STPG2: variants seen among roughly 807,000 people sequenced by gnomAD.
The protein encoded by STPG2 is sperm-tail PG-rich repeat-containing protein 2.
STPG2 carries 56 observed loss-of-function variants against 54.2 expected under a neutral mutation model. That is an observed-to-expected ratio of 1.03 (90% CI 0.83 to 1.29). The LOEUF (loss-of-function observed/expected upper bound fraction) is 1.29. Ranked by LOEUF, STPG2 falls within the 50% of genes most tolerant of loss-of-function variation. The probability of loss-of-function intolerance (pLI) is 0.00; values close to 1 mark genes in which losing one functional copy is unlikely to be tolerated. For missense variants in STPG2, 596 were observed against 544.9 expected (o/e 1.09, Z -0.93); for synonymous variants, 200 against 181.8 (o/e 1.10, Z -0.81).
chr4:97,925,868 CT>C (rs1402860794), intron 8 of STPG2, among the ~76,000 whole-genome samples: 1 of 152,118 alleles, frequency 6.6e-6, no homozygotes, highest in Non-Finnish European at 1.5e-5. Context: ...TGAATCCCAG[CT>C]CCATAAGATC....
At chr4:98,107,647 G>T (rs1251253064) in intron 4 of STPG2, among the ~76,000 whole-genome samples, 1 of 151,982 alleles carries the variant, frequency 6.6e-6, no homozygotes, top group African/African-American at 2.4e-5. Flanking sequence ...GTATGCCTGG[G>T]GTACTCAGGC....
chr4:97,476,037 A>T (rs1376337219), intron 4 of STPG2, among the ~76,000 whole-genome samples: 1 of 152,184 alleles, frequency 6.6e-6, no homozygotes, highest in East Asian at 1.9e-4. Context: ...CATCTCTCTC[A>T]TGCCTGTATA....
chr4:97,501,992 A>G (rs1379671438), intron 4 of STPG2, among the ~76,000 whole-genome samples: 1 of 152,008 alleles, frequency 6.6e-6, no homozygotes, highest in Non-Finnish European at 1.5e-5. Context: ...CAAAATAAAA[A>G]GTCAAATAAG....
At chr4:98,105,094 C>G (rs1024326143) in intron 5 of STPG2, among the ~76,000 whole-genome samples, 8 of 152,200 alleles carry the variant, frequency 5.3e-5, no homozygotes, top group Non-Finnish European at 1.2e-4. Flanking sequence ...CAAGCTATAA[C>G]CAATCCAGTT....
intron 9 of STPG2, among the ~76,000 whole-genome samples, chr4:97,739,777 C>T (rs1239049403): frequency 1.3e-5 from 2 of 152,006 alleles, no homozygotes; most frequent in East Asian, 1.9e-4. Context: ...CCAAATTCTA[C>T]CAGAGGTACA....
At chr4:97,862,615 C>T (rs112244722) in intron 8 of STPG2, among the ~76,000 whole-genome samples, 2,807 of 152,230 alleles carry the variant, frequency 0.018, 76 homozygotes, top group African/African-American at 0.063. Context: ...ATCTGCAGAA[C>T]GGTCCACCCC....
At chr4:97,814,762 G>C (rs1274153779) in intron 9 of STPG2, among the ~76,000 whole-genome samples, 1 of 152,058 alleles carries the variant, frequency 6.6e-6, no homozygotes, top group African/African-American at 2.4e-5. Context: ...GACTACACTG[G>C]CTTAGCCTCC....
chr4:97,687,422 CTT>C (rs1279695526), intron 10 of STPG2, among the ~76,000 whole-genome samples: 1 of 152,012 alleles, frequency 6.6e-6, no homozygotes. Context: ...TCACTGCACC[CTT>C]TGCTTCCTGG....
intron 10 of STPG2, among the ~76,000 whole-genome samples, chr4:97,703,733 A>G (rs1318756885): frequency 3.5e-5 from 4 of 114,958 alleles, no homozygotes; most frequent in African/African-American, 1.1e-4. Context: ...TAGTATATAT[A>G]ATATATTATC....
At chr4:97,614,693 T>C (rs1191535969) in intron 10 of STPG2, among the ~76,000 whole-genome samples, 3 of 152,154 alleles carry the variant, frequency 2.0e-5, no homozygotes, top group African/African-American at 7.2e-5. Flanking sequence ...GGTAAAGTCA[T>C]GTTTCATCTC....
intron 4 of STPG2, chr4:97,489,929 C>T (rs1477257400): frequency 6.6e-6 from 1 of 150,968 alleles, no homozygotes; most frequent in African/African-American, 2.4e-5. Flanking sequence ...ATGAAGAGAA[C>T]ATTTATTTTT....
intron 5 of STPG2, among the ~76,000 whole-genome samples, chr4:98,001,046 G>A (rs577083154): frequency 6.6e-6 from 1 of 152,228 alleles, no homozygotes; most frequent in Admixed American, 6.5e-5. Context: ...TAAAACTGAT[G>A]AAAAGCCACT....
At chr4:97,876,767 T>G (rs1212042860) in intron 8 of STPG2, among the ~76,000 whole-genome samples, 1 of 152,044 alleles carries the variant, frequency 6.6e-6, no homozygotes, top group Non-Finnish European at 1.5e-5. Flanking sequence ...AAACAGTATT[T>G]CATTAAAGGT....
intron 6 of STPG2, among the ~76,000 whole-genome samples, chr4:97,977,224 A>G (rs1361607415): frequency 6.6e-6 from 1 of 152,222 alleles, no homozygotes; most frequent in Non-Finnish European, 1.5e-5. Flanking sequence ...CACATTGTCT[A>G]AGATGGAATA....
chr4:97,870,893 A>C (rs1398481833), intron 8 of STPG2, among the ~76,000 whole-genome samples: 5 of 151,366 alleles, frequency 3.3e-5, no homozygotes, highest in East Asian at 1.9e-4. Context: ...ATTCACCCCC[A>C]AAAAATCATA....
Position 98,105,912 on chromosome 4 carries a change from A to C in STPG2, c.612+41T>G, listed in dbSNP as rs746405868. The C allele has an allele frequency of 2.0e-6, 3 of 1,492,160 alleles. No individual in the cohort carries two copies. The South Asian group carries it at 3.5e-5, about 18-fold the overall frequency. 92.4% of individuals were successfully genotyped at this position (1,492,160 alleles called of 1,614,324 possible). ...TGTGATAACAGGATTCAATGATCTTAAAATTGGGAAAATATATGCATTAGC... is the reference window on the plus strand; with the variant it reads ...TGTGATAACAGGATTCAATGATCTTCAAATTGGGAAAATATATGCATTAGC... On this transcript the variant is annotated intron_variant, in intron 5 of 10. Coordinates refer to ENST00000295268, the MANE Select transcript of STPG2 (RefSeq NM_174952.3).
At chr4:97,696,623 C>T (rs926660631) in intron 10 of STPG2, among the ~76,000 whole-genome samples, 3 of 152,180 alleles carry the variant, frequency 2.0e-5, no homozygotes, top group Non-Finnish European at 4.4e-5. Flanking sequence ...CCAATCTATA[C>T]ATCTGACAAT....
intron 6 of STPG2, among the ~76,000 whole-genome samples, chr4:97,980,263 A>G (rs1734630148): frequency 6.6e-6 from 1 of 152,214 alleles, no homozygotes; most frequent in Admixed American, 6.5e-5. Context: ...GTCCTTGAGA[A>G]GGAGTAGGTG....
At chr4:97,628,574 AT>A (rs1399970443) in intron 10 of STPG2, among the ~76,000 whole-genome samples, 1 of 152,148 alleles carries the variant, frequency 6.6e-6, no homozygotes, top group Non-Finnish European at 1.5e-5. Flanking sequence ...GTGCTTAGCA[AT>A]TAATGTGTTA....
Sources: allele counts gnomAD v4.1 joint callset (sites outside exome capture counted in the v4.1 genomes callset), GRCh38; gene constraint gnomAD v4.1.1; transcripts MANE v1.5; gene names NCBI Gene and HGNC (gene_info 2026-07-23, HGNC 2026-07-21).